Variants in SLC27A6 observed in about 807,000 individuals in gnomAD.
SLC27A6 encodes the protein long-chain fatty acid transport protein 6.
A neutral mutation model predicts 63.9 loss-of-function variants in SLC27A6; 74 were observed. That is an observed-to-expected ratio of 1.16 (90% CI 0.96 to 1.40). The LOEUF is 1.40. Ranked by LOEUF, SLC27A6 falls within the 40% of genes most tolerant of loss-of-function variation. The probability of loss-of-function intolerance (pLI) is 0.00; values close to 1 mark genes in which losing one functional copy is unlikely to be tolerated. For synonymous variants in SLC27A6, 287 were observed against 260.8 expected (o/e 1.10, Z -0.97); for missense variants, 794 against 732.9 (o/e 1.08, Z -0.96).
intron 4 of SLC27A6, among the ~76,000 whole-genome samples, chr5:128,991,032 T>C (rs1011719441): frequency 6.6e-6 from 1 of 152,190 alleles, no homozygotes; most frequent in Admixed American, 6.5e-5. Context: ...CAAGATTTAA[T>C]AGAGTGAAAA....
intron 9 of SLC27A6, among the ~76,000 whole-genome samples, chr5:129,031,556 C>CA (rs764649825): frequency 2.7e-4 from 41 of 151,750 alleles, no homozygotes; most frequent in Non-Finnish European, 4.6e-4. Flanking sequence ...TTGACTTAGT[C>CA]AAAATGCATC....
chr5:128,982,837 T>C (rs257998), intron 1 of SLC27A6, among the ~76,000 whole-genome samples: 11,748 of 152,234 alleles, frequency 0.077, 1,269 homozygotes, highest in East Asian at 0.56. Context: ...TTTACTTAGA[T>C]TTGTTATAGA....
At chr5:129,001,183 A>G (rs1246613367) in intron 4 of SLC27A6, among the ~76,000 whole-genome samples, 2 of 152,022 alleles carry the variant, frequency 1.3e-5, no homozygotes, top group Admixed American at 1.3e-4. Flanking sequence ...CTTGTAGGCC[A>G]CTCATTTTAA....
chr5:128,976,524 A>G (rs1331731613), intron 1 of SLC27A6, among the ~76,000 whole-genome samples: 2 of 152,184 alleles, frequency 1.3e-5, no homozygotes, highest in Non-Finnish European at 2.9e-5. Context: ...CAAACAAAAC[A>G]AAACAAAACA....
intron 1 of SLC27A6, among the ~76,000 whole-genome samples, chr5:128,976,114 T>C (rs1750367993): frequency 6.6e-6 from 1 of 152,076 alleles, no homozygotes; most frequent in African/African-American, 2.4e-5. Context: ...TCCTGAAAAG[T>C]AAAACAGATA....
intron 1 of SLC27A6, among the ~76,000 whole-genome samples, chr5:128,976,306 C>T (rs967950126): frequency 5.3e-5 from 8 of 152,082 alleles, no homozygotes; most frequent in Non-Finnish European, 1.0e-4. Context: ...GTCAGGAGTT[C>T]GAGACCAGTC....
intron 4 of SLC27A6, among the ~76,000 whole-genome samples, chr5:129,004,797 C>G (rs1043669201): frequency 6.6e-6 from 1 of 152,094 alleles, no homozygotes; most frequent in African/African-American, 2.4e-5. Context: ...AGTATAAAAC[C>G]AAATATAATT....
chr5:129,023,183 G>A (rs1752131897), intron 5 of SLC27A6, among the ~76,000 whole-genome samples: 1 of 151,814 alleles, frequency 6.6e-6, no homozygotes, highest in African/African-American at 2.4e-5. Context: ...TAGATACTGT[G>A]AGGAAAAAAT....
At chr5:129,005,338 G>A (rs971237387) in intron 4 of SLC27A6, among the ~76,000 whole-genome samples, 4 of 152,178 alleles carry the variant, frequency 2.6e-5, no homozygotes, top group African/African-American at 4.8e-5. Flanking sequence ...TGGGAATCTG[G>A]ATAAGGAAAC....
At chr5:129,013,310 C>G (rs1032332883) in intron 4 of SLC27A6, among the ~76,000 whole-genome samples, 24 of 152,000 alleles carry the variant, frequency 1.6e-4, no homozygotes, top group Non-Finnish European at 2.9e-4. Flanking sequence ...GTGCTAAGAA[C>G]TGCCTTTAGT....
In SLC27A6 at chr5:129,023,635, G is replaced by C. The variant is rs1752144938; in HGVS notation, c.1180G>C (p.Asp394His). ...NLFYKLLSTF[D>H]LIKYDFQKDE... ...TTTTTTGCAGCTTCTTTCCACTTTT[G>C]ACTTAATAAAGTATGACTTTCAGAA... Residue 394 changes from aspartate to histidine, a missense_variant, in exon 6 of 10, where the codon GAC becomes CAC. Transcript: ENST00000262462. The C allele has an allele frequency of 1.9e-6, 3 of 1,592,288 alleles. No homozygotes were observed. In the South Asian group the frequency reaches 3.4e-5, roughly 18 times the overall value.
intron 1 of SLC27A6, among the ~76,000 whole-genome samples, chr5:128,968,783 C>A (rs1750015024): frequency 6.6e-6 from 1 of 152,012 alleles, no homozygotes; most frequent in South Asian, 2.1e-4. Context: ...TCCCATTTGT[C>A]AATTTTGGCT....
intron 1 of SLC27A6, among the ~76,000 whole-genome samples, chr5:128,967,021 T>G (rs1280393357): frequency 3.9e-5 from 6 of 152,224 alleles, no homozygotes; most frequent in South Asian, 4.1e-4. Flanking sequence ...TGACTACATT[T>G]GCAGAAGAGA....
chr5:129,006,132 G>A (rs1751523993), intron 4 of SLC27A6, among the ~76,000 whole-genome samples: 2 of 121,554 alleles, frequency 1.6e-5, no homozygotes, highest in African/African-American at 6.6e-5. Context: ...AGACTGGAGT[G>A]CAGTTGTGTG....
At chr5:128,974,863 A>C (rs2526253) in intron 1 of SLC27A6, among the ~76,000 whole-genome samples, 1 of 152,090 alleles carries the variant, frequency 6.6e-6, no homozygotes, top group African/African-American at 2.4e-5. Context: ...CATCTTTTGT[A>C]AAGTGGCTAG....
chr5:129,000,156 C>T (rs1361878675), intron 4 of SLC27A6, among the ~76,000 whole-genome samples: 2 of 152,112 alleles, frequency 1.3e-5, no homozygotes, highest in African/African-American at 4.8e-5. Context: ...AGCAGTCACG[C>T]ATGAAGAATG....
rs767759111 is a variant in SLC27A6, at chr5:129,023,747, G to A, written c.1255+37G>A. The A allele has an allele frequency of 9.1e-6, 13 of 1,432,200 alleles. No homozygotes were observed. In the East Asian group the frequency reaches 2.3e-4, roughly 25 times the overall value. 88.7% of individuals were successfully genotyped at this position (1,432,200 alleles called of 1,614,324 possible). ...ATTTGAAGACATCTCCTCAAGCAAA[G>A]TTTCTGATCTCCTGTATACAGACAT... is the stretch of plus-strand genomic sequence containing the variant. On this transcript the variant is annotated intron_variant, in intron 6 of 9. Coordinates refer to ENST00000262462, the MANE Select transcript of SLC27A6 (RefSeq NM_001017372.3).
rs893054926 is a variant in SLC27A6, at chr5:129,033,388, A to G, written c.*106A>G. On this transcript the variant is annotated 3_prime_UTR_variant, in exon 10 of 10. Coordinates refer to ENST00000262462, the MANE Select transcript of SLC27A6 (RefSeq NM_001017372.3). ...GGGAGCTAACATTAATTATGCATGT[A>G]CTATATTTCCTTAATATGAGAGATA... The G allele has an allele frequency of 8.9e-6, 5 of 562,510 alleles. No homozygotes were observed. Among genetic ancestry groups the G allele is most frequent in the Non-Finnish European group, 1.5e-5 (5 of 333,858 alleles). 34.8% of individuals were successfully genotyped at this position (562,510 alleles called of 1,614,324 possible). A position where few individuals can be genotyped will look rare whatever the true frequency, so the allele number is the denominator to read the frequency against.
rs1290537673 is a variant in SLC27A6, at chr5:128,990,401, G to T, written c.906G>T (p.Lys302Asn). ...GCCAGTTTTGGAGTGACTGCAAGAA[G>T]TATGATGTGACTGTGTTTCAGTATA... ...SASQFWSDCK[K>N]YDVTVFQYIG... Residue 302 changes from lysine to asparagine, a missense_variant, in exon 4 of 10, where the codon AAG (lysine) becomes AAT (asparagine). Coordinates refer to ENST00000262462, the MANE Select transcript of SLC27A6 (RefSeq NM_001017372.3). 4 of 1,613,984 alleles carry T rather than the reference G, an allele frequency of 2.5e-6. No individual in the cohort carries two copies. The highest frequency in any genetic ancestry group is 3.4e-6 in the Non-Finnish European group (4 of 1,179,910).
Sources: allele counts gnomAD v4.1 joint callset (sites outside exome capture counted in the v4.1 genomes callset), GRCh38; gene constraint gnomAD v4.1.1; transcripts MANE v1.5; gene names NCBI Gene and HGNC (gene_info 2026-07-23, HGNC 2026-07-21).